DUS3L: variants seen among roughly 807,000 people sequenced by gnomAD.
DUS3L encodes the protein dihydrouridine synthase 3 like, also known as tRNA-dihydrouridine(47) synthase [NAD(P)(+)]-like.
A neutral mutation model predicts 74.6 loss-of-function variants in DUS3L; 62 were observed. The ratio of observed to expected loss-of-function variants is 0.83; its 90% CI spans 0.68 to 1.03. The LOEUF (loss-of-function observed/expected upper bound fraction) is 1.03, where lower values mean the gene tolerates loss of function less well. Among genes scored for constraint, DUS3L ranks in the 50% least tolerant of loss-of-function variants. The pLI is 0.00. For missense variants in DUS3L, 884 were observed against 924.4 expected (o/e 0.96, Z 0.57); for synonymous variants, 433 against 395.7 (o/e 1.09, Z -1.12).
At chr19:5,786,942 C>T (rs1197647569) in intron 8 of DUS3L, 97 bp from the exon 9 acceptor site, 3 of 1,490,418 alleles carry the variant, frequency 2.0e-6, no homozygotes, top group African/African-American at 1.4e-5. Context: ...GAGAGAGACA[C>T]AGGCGGAGAC....
At chr19:5,790,772 G>C (rs1454364338) in intron 1 of DUS3L, 3 of 580,242 alleles carry the variant, frequency 5.2e-6, no homozygotes, top group African/African-American at 1.9e-5. Flanking sequence ...CCATATGCAG[G>C]GACTACAATC....
rs201040106 is a variant in DUS3L at position 5,785,637 on chromosome 19, G to C, written c.1717C>G (p.Arg573Gly). 3 of 1,610,926 alleles carry C rather than the reference G, an allele frequency of 1.9e-6. No individual in the cohort carries two copies. In the African/African-American group the frequency reaches 4.0e-5, roughly 22 times the overall value. The change falls in exon 11 of 13, where the codon CGC becomes GGC. Residue 573 changes from arginine (R) to glycine (G), a missense_variant. By Grantham distance (125) the Arg-to-Gly change is moderately radical. Coordinates refer to ENST00000309061, the MANE Select transcript of DUS3L (RefSeq NM_020175.3). ...SDTQGVEKTR[R>G]FLLEWLSFLC... ...AAGGACAGCCACTCGAGCAGAAAGC[G>C]CCGGGTCTTCTCCACGCCCTGCGTG... is the stretch of plus-strand genomic sequence containing the variant.
intron 1 of DUS3L, among the ~76,000 whole-genome samples, chr19:5,790,544 G>T (rs1323147515): frequency 6.6e-6 from 1 of 152,074 alleles, no homozygotes; most frequent in Admixed American, 6.6e-5. Flanking sequence ...AGTGTTGCGC[G>T]AAACTATTAT....
chr19:5,787,186 T>TGAGAGGTGGTGGGAGATGGC lies in DUS3L; in HGVS notation c.1279-16_1279-15insGCCATCTCCCACCACCTCTC, dbSNP rs2056853313. 8.3e-7 allele frequency: 1 copy of TGAGAGGTGGTGGGAGATGGC among 1,205,546 alleles called. No individual in the cohort carries two copies. The highest frequency in any genetic ancestry group is 1.1e-6 in the Non-Finnish European group (1 of 931,216). 74.7% of individuals were successfully genotyped at this position (1,205,546 alleles called of 1,614,324 possible). On this transcript the variant is annotated splice_polypyrimidine_tract_variant and intron_variant, in intron 7 of 12. Transcript: ENST00000309061. ...ACATCCAGCACCTACAGGACGGTGG[T>TGAGAGGTGGTGGGAGATGGC]GGGAGGTGGTGGGAGATGGTGGGAG...
chr19:5,786,821 G>A lies in DUS3L; in HGVS notation c.1414C>T (p.Arg472Cys), dbSNP rs771642917. 1.4e-5 allele frequency: 23 copies of A among 1,611,062 alleles called. No individual in the cohort carries two copies. The highest frequency in any genetic ancestry group is 1.3e-4 in the East Asian group (6 of 44,832). Residue 472 changes from arginine to cysteine, a missense_variant, in exon 9 of 13, where the codon CGC becomes TGC. Arg to Cys is a radical substitution (Grantham distance 180). Transcript: ENST00000309061. ...VTLHGRSREQ[R>C]YTKLADWQYI... The stretch of plus-strand genomic sequence containing the variant: ...TGCCAGTCGGCTAGCTTGGTGTAGC[G>A]CTGCTCCCGAGAGCGGCCGTGGAGC...
At position 5,787,684 on chromosome 19, in the gene DUS3L, T is replaced by A. The variant is rs753481870; in HGVS notation, c.1117A>T (p.Thr373Ser). The A allele has an allele frequency of 6.2e-7, 1 of 1,613,600 alleles. No homozygotes were observed. Residue 373 changes from threonine (T) to serine (S), a missense_variant, in exon 6 of 13, where the codon ACC becomes TCC. Physicochemically the swap from Thr to Ser is moderately conservative, Grantham distance 58. Coordinates refer to ENST00000309061, the MANE Select transcript of DUS3L (RefSeq NM_020175.3). ...GVQLEGAFPD[T>S]MTKCAELLSR... ...AGCAGCTCGGCACACTTGGTCATGG[T>A]GTCGGGGAAGGCGCCCTCCAGCTGT...
rs1479183501 is a variant in DUS3L at position 5,787,600 on chromosome 19, C to G, written c.1201G>C (p.Val401Leu). The G allele has an allele frequency of 3.1e-6, 5 of 1,613,492 alleles. No homozygotes were observed. In the East Asian group the frequency reaches 8.9e-5, roughly 29 times the overall value. Residue 401 changes from valine (V) to leucine (L), a missense_variant, in exon 6 of 13, where the codon GTG becomes CTG. Val to Leu is a conservative substitution (Grantham distance 32, BLOSUM62 1). Transcript: ENST00000309061. ...TCCAGGGCCGCTACCTTCTTGTACA[C>G]GAGGTCGATGGGGCAGCCGACGTTG... ...DINVGCPIDL[V>L]YKKGGGCALM...
Position 5,789,534 on chromosome 19 carries a change from C to T in DUS3L, c.573G>A (p.Leu191=). Reference sequence around the variant, plus strand: ...CGCGGGCCGCCAACTCCTCCTGCACCAGGTTCTGTCCCTCGGGCCTCAGGT... The same window carrying T: ...CGCGGGCCGCCAACTCCTCCTGCACTAGGTTCTGTCCCTCGGGCCTCAGGT... The part of the protein sequence containing the change: ...GAHLRPEGQN[L]VQEELAARGT... Residue 191 remains leucine (L), a synonymous_variant, in exon 3 of 13, where the codon CTG becomes CTA. Transcript: ENST00000309061. 6.2e-7 allele frequency: 1 copy of T among 1,603,878 alleles called. No individual in the cohort carries two copies.
intron 5 of DUS3L, 36 bp downstream of exon 5, chr19:5,787,988 C>A (rs770206213): frequency 6.2e-7 from 1 of 1,607,006 alleles, no homozygotes; most frequent in Admixed American, 1.7e-5. Context: ...CGGCCGAGGG[C>A]CCCTCCACTC....
Position 5,789,544 on chromosome 19 carries a change from C to G in DUS3L, c.563G>C (p.Gly188Ala). The change falls in exon 3 of 13, where the codon GGA (glycine) becomes GCA (alanine). Residue 188 changes from glycine to alanine, a missense_variant. Physicochemically the swap from Gly to Ala is moderately conservative, Grantham distance 60 (BLOSUM62 0). Coordinates refer to ENST00000309061, the MANE Select transcript of DUS3L (RefSeq NM_020175.3). ...RFAGAHLRPE[G>A]QNLVQEELAA... ...CAACTCCTCCTGCACCAGGTTCTGT[C>G]CCTCGGGCCTCAGGTGGGCCCCAGC... 2 of 1,601,930 alleles carry G rather than the reference C, an allele frequency of 1.2e-6. No individual in the cohort carries two copies. Among genetic ancestry groups the G allele is most frequent in the South Asian group, 2.2e-5 (2 of 89,540 alleles).
intron 9 of DUS3L, 86 bp downstream of exon 9, chr19:5,786,663 G>A (rs1368700977): frequency 1.3e-6 from 2 of 1,571,360 alleles, no homozygotes; most frequent in Non-Finnish European, 1.7e-6. Flanking sequence ...GGTACGAGGG[G>A]GTCCCAAGTG....
At position 5,786,849 on chromosome 19, in the gene DUS3L, G is replaced by C; in HGVS notation, c.1390-4C>G. ...GCTCCCGAGAGCGGCCGTGGAGCTGGGGGAGAAGCCGCCACGCAGGGTAGG... is the reference window on the plus strand; with the variant it reads ...GCTCCCGAGAGCGGCCGTGGAGCTGCGGGAGAAGCCGCCACGCAGGGTAGG... On this transcript the variant is annotated splice_region_variant and splice_polypyrimidine_tract_variant and intron_variant, in intron 8 of 12. Transcript: ENST00000309061. 1 of 1,606,238 alleles carries C rather than the reference G, an allele frequency of 6.2e-7. No homozygotes were observed.
In DUS3L at chr19:5,785,764, G is replaced by A. The variant is rs780418967; in HGVS notation, c.1590C>T (p.Phe530=). The change falls in exon 11 of 13, where the codon TTC becomes TTT. Residue 530 remains phenylalanine, a synonymous_variant. Transcript: ENST00000309061. The stretch of plus-strand genomic sequence containing the variant: ...AGTGCCGCTGCTCCTTGATCTCCGT[G>A]AAGAGCCACGGCTTGAGCAGGGCGC... ...ARGALLKPWL[F]TEIKEQRHWD... 5.0e-6 allele frequency: 8 copies of A among 1,607,454 alleles called. No individual in the cohort carries two copies. Among genetic ancestry groups the A allele is most frequent in the East Asian group, 4.5e-5 (2 of 44,720 alleles).
chr19:5,789,066 G>A (rs1266696652), intron 3 of DUS3L, 141 bp downstream of exon 3: 2 of 1,266,728 alleles, frequency 1.6e-6, no homozygotes, highest in South Asian at 1.7e-5. Context: ...AGCACAGAGA[G>A]GGAGACTCAG....
chr19:5,790,455 G>C (rs992422083), intron 1 of DUS3L, 120 bp from the exon 2 acceptor site: 14 of 1,250,230 alleles, frequency 1.1e-5, no homozygotes, highest in Non-Finnish European at 1.6e-5. Context: ...CACTACTTAA[G>C]AACCAGCCAG....
chr19:5,788,485 G>A, intron 3 of DUS3L, 87 bp from the exon 4 acceptor site: 2 of 1,489,216 alleles, frequency 1.3e-6, no homozygotes, highest in Non-Finnish European at 1.8e-6. Flanking sequence ...CCACAGTCTA[G>A]GACACACTTG....
chr19:5,788,216 CG>C, intron 4 of DUS3L, 40 bp from the exon 5 acceptor site: 1 of 1,611,660 alleles, frequency 6.2e-7, no homozygotes, highest in South Asian at 1.1e-5. Flanking sequence ...CTCTTGCACG[CG>C]CACACACACA....
intron 8 of DUS3L, 92 bp downstream of exon 8, chr19:5,786,969 G>A (rs1009725291): frequency 1.3e-6 from 2 of 1,488,046 alleles, no homozygotes; most frequent in African/African-American, 1.4e-5. Flanking sequence ...AGGTGTGGAG[G>A]TGAAGAGGGA....
intron 6 of DUS3L, 70 bp from the exon 7 acceptor site, chr19:5,787,431 C>T (rs890285024): frequency 6.8e-5 from 106 of 1,565,266 alleles, no homozygotes; most frequent in Middle Eastern, 3.4e-4. Flanking sequence ...CCCTGCTGCC[C>T]GGAGGCCCCC....
Sources: allele counts gnomAD v4.1 joint callset (sites outside exome capture counted in the v4.1 genomes callset), GRCh38; gene constraint gnomAD v4.1.1; transcripts MANE v1.5; gene names NCBI Gene and HGNC (gene_info 2026-07-23, HGNC 2026-07-21).